The following NFXL1 variants were observed in gnomAD, a reference collection of about 807,000 sequenced individuals.
NFXL1 encodes the protein NF-X1-type zinc finger protein NFXL1.
NFXL1 carries 66 observed loss-of-function variants against 123.3 expected under a neutral mutation model. The observed-to-expected ratio is 0.54, with a 90% CI of 0.44 to 0.66. The LOEUF is 0.66. NFXL1 is among the 30% of genes least tolerant of loss of function. NFXL1 has a pLI of 0.00. For synonymous variants in NFXL1, 346 were observed against 360.8 expected, an observed-to-expected ratio of 0.96 and a Z score of 0.46; for missense variants, 944 against 1,125.6, an observed-to-expected ratio of 0.84 and a Z score of 2.31.
chr4:47,852,247 A>T (rs1734158733), intron 20 of NFXL1: 2 of 277,212 alleles, frequency 7.2e-6, no homozygotes, highest in South Asian at 4.6e-5. Context: ...ATTGTTTGTT[A>T]TTCTTGCAAA....
At chr4:47,852,662 C>T (rs1387574123) in intron 20 of NFXL1, among the ~76,000 whole-genome samples, 1 of 152,070 alleles carries the variant, frequency 6.6e-6, no homozygotes, top group Non-Finnish European at 1.5e-5. Context: ...GACATCAAAA[C>T]TATGACCAAT....
chr4:47,854,299 A>C (rs1734282603), intron 20 of NFXL1, among the ~76,000 whole-genome samples: 1 of 152,142 alleles, frequency 6.6e-6, no homozygotes, highest in Non-Finnish European at 1.5e-5. Flanking sequence ...TGACAATAGG[A>C]ATATGAAGGA....
intron 11 of NFXL1, among the ~76,000 whole-genome samples, chr4:47,892,220 C>T (rs1263784630): frequency 6.6e-6 from 1 of 152,146 alleles, no homozygotes; most frequent in African/African-American, 2.4e-5. Context: ...AGAAGGGAAA[C>T]AAACTAGGTA....
intron 18 of NFXL1, among the ~76,000 whole-genome samples, chr4:47,867,444 A>G (rs1445795678): frequency 3.9e-5 from 6 of 152,102 alleles, no homozygotes; most frequent in Non-Finnish European, 7.4e-5. Flanking sequence ...GGAGACAGAA[A>G]AAGAAAACCC....
At chr4:47,852,895 G>A (rs1283697429) in intron 20 of NFXL1, among the ~76,000 whole-genome samples, 1 of 151,514 alleles carries the variant, frequency 6.6e-6, no homozygotes, top group Non-Finnish European at 1.5e-5. Flanking sequence ...TTAGACATGA[G>A]ATTACCAAAT....
intron 18 of NFXL1, among the ~76,000 whole-genome samples, chr4:47,874,189 G>A (rs1371264965): frequency 6.6e-6 from 1 of 152,172 alleles, no homozygotes; most frequent in African/African-American, 2.4e-5. Context: ...TGTGTTCGCT[G>A]GAATGAACTT....
At position 47,851,123 on chromosome 4, in the gene NFXL1, G is replaced by T; in HGVS notation, c.2534C>A (p.Ala845Asp). ...SEIKEAEAKAALEEEKRRQQA... is the reference protein window; with the variant it reads ...SEIKEAEAKADLEEEKRRQQA... ...TTGTCTTCGTTTTTCTTCTTCAAGA[G>T]CAGCTTTGGCTTCTGCTTCTTTTAT... Residue 845 changes from alanine (A) to aspartate (D), a missense_variant, in exon 22 of 23, where the codon GCT (alanine) becomes GAT (aspartate). Ala to Asp is a moderately radical substitution (Grantham distance 126, BLOSUM62 -2). This residue lies in a region of NFXL1 where 301 missense variants were observed against 348.0 expected (regional missense o/e 0.86). Transcript: ENST00000507489. 1 of 1,611,830 alleles carries T rather than the reference G, an allele frequency of 6.2e-7. No homozygotes were observed. Among genetic ancestry groups the T allele is most frequent in the South Asian group, 1.1e-5 (1 of 91,004 alleles).
In NFXL1 at chr4:47,913,940, G is replaced by A. The variant is rs900400271; in HGVS notation, c.235+29C>T. 3.3e-6 allele frequency: 5 copies of A among 1,503,796 alleles called. No homozygotes were observed. In the African/African-American group the frequency reaches 4.2e-5, roughly 12 times the overall value. The allele number at this position is 1,503,796 out of a possible 1,614,324, so 93.2% of individuals were successfully genotyped here. On this transcript the variant is annotated intron_variant, in intron 2 of 22. Transcript: ENST00000507489. ...AGTAACTGCCTTAGGAGGCATCCAG[G>A]TGAGCACGCGGGCGGGAGCCATTCT...
At chr4:47,853,661 T>C (rs931083462) in intron 20 of NFXL1, among the ~76,000 whole-genome samples, 7 of 152,080 alleles carry the variant, frequency 4.6e-5, no homozygotes, top group Non-Finnish European at 1.0e-4. Flanking sequence ...AAAATATATA[T>C]ACATTGCCAC....
intron 20 of NFXL1, 33 bp downstream of exon 20, chr4:47,855,026 A>T: frequency 1.0e-6 from 1 of 986,478 alleles, no homozygotes; most frequent in Non-Finnish European, 1.5e-6. Flanking sequence ...CAACTTATAT[A>T]GAAAAGTATT....
In NFXL1 at chr4:47,870,948, C is replaced by T. The variant is rs539137575; in HGVS notation, c.2246+4179G>A. On this transcript the variant is annotated intron_variant, in intron 18 of 22. Transcript: ENST00000507489. ...AATAAATTAAACATCAAAATGATGG[C>T]GAAGGACCAAATAAAGAATCCACTG... is the stretch of plus-strand genomic sequence containing the variant. Among the ~76,000 whole-genome samples, 104 of 152,202 alleles carry T rather than the reference C, an allele frequency of 6.8e-4. 1 individual carries two copies. The highest frequency in any genetic ancestry group is 2.4e-3 in the African/African-American group (99 of 41,530).
intron 3 of NFXL1, among the ~76,000 whole-genome samples, chr4:47,908,507 T>C (rs73244444): frequency 0.23 from 23,276 of 99,230 alleles, 2,251 homozygotes; most frequent in East Asian, 0.33. Context: ...TCTGATTCTG[T>C]CATACTAACT....
In NFXL1 at chr4:47,853,086, A is replaced by T. The variant is rs1252433865; in HGVS notation, c.2422-1144T>A. Among the ~76,000 whole-genome samples the T allele has an allele frequency of 3.9e-5, 6 of 152,070 alleles. No individual in the cohort carries two copies. In the East Asian group the frequency reaches 1.2e-3, roughly 29 times the overall value. ...AACATGAACAAACACTGGAGACAAAAATAAGTATCGTGTGTTTATAGACAT... is the reference window on the plus strand; with the variant it reads ...AACATGAACAAACACTGGAGACAAATATAAGTATCGTGTGTTTATAGACAT... On this transcript the variant is annotated intron_variant, in intron 20 of 22. Coordinates refer to ENST00000507489, the MANE Select transcript of NFXL1 (RefSeq NM_001278624.2).
At chr4:47,856,646 G>A (rs887703110) in intron 19 of NFXL1, among the ~76,000 whole-genome samples, 5 of 152,060 alleles carry the variant, frequency 3.3e-5, no homozygotes, top group Admixed American at 6.6e-5. Context: ...GTGTGATTAG[G>A]TTTTTTGTTC....
At chr4:47,877,076 A>G in intron 17 of NFXL1, 1 of 1,152,670 alleles carries the variant, frequency 8.7e-7, no homozygotes, top group Non-Finnish European at 1.2e-6. Context: ...TATTTAAATA[A>G]CATGAGTAGA....
Position 47,879,745 on chromosome 4 carries a change from CAG to C in NFXL1, c.1917-630_1917-629del, listed in dbSNP as rs576285360. Among the ~76,000 whole-genome samples, 10 of 152,194 alleles carry C rather than the reference CAG, an allele frequency of 6.6e-5. 1 individual carries two copies. The highest frequency in any genetic ancestry group is 2.4e-4 in the African/African-American group (10 of 41,540). On this transcript the variant is annotated intron_variant, in intron 15 of 22. Transcript: ENST00000507489. ...AGGCAAATAAATGAATGGAAGAGAA[CAG>C]AGAGACCAGAAATGGAACCACACAA...
chr4:47,893,234 T>C (rs1339179215), intron 11 of NFXL1, among the ~76,000 whole-genome samples: 1 of 152,028 alleles, frequency 6.6e-6, no homozygotes, highest in Non-Finnish European at 1.5e-5. Context: ...ATACATGTCC[T>C]TAAAGTCTCA....
intron 12 of NFXL1, among the ~76,000 whole-genome samples, chr4:47,889,610 T>C (rs1736647850): frequency 6.6e-6 from 1 of 152,176 alleles, no homozygotes; most frequent in South Asian, 2.1e-4. Context: ...ATTAAACTAC[T>C]AAATGGCAGA....
chr4:47,895,567 G>A (rs533868449), intron 10 of NFXL1, among the ~76,000 whole-genome samples: 16 of 152,292 alleles, frequency 1.1e-4, no homozygotes, highest in African/African-American at 3.4e-4. Context: ...ACCTCTGCTA[G>A]TTTCAAACTT....
Sources: allele counts gnomAD v4.1 joint callset (sites outside exome capture counted in the v4.1 genomes callset), GRCh38; gene constraint gnomAD v4.1.1; regional missense constraint gnomAD v4.1.1; transcripts MANE v1.5; gene names NCBI Gene and HGNC (gene_info 2026-07-23, HGNC 2026-07-21).